The following CENPI variants were observed in gnomAD, a reference collection of about 807,000 sequenced individuals.
CENPI encodes FSH primary response 1.
Under a neutral mutation model 60.4 loss-of-function variants are expected in CENPI, and 4 were observed. The observed-to-expected ratio is 0.07, with a 90% CI of 0.03 to 0.15. CENPI has a LOEUF of 0.15. Ranked by LOEUF, CENPI falls within the 10% of genes least tolerant of loss-of-function variation. The pLI, the probability that CENPI is intolerant of heterozygous loss-of-function variation, is 1.00. For synonymous variants in CENPI, 157 were observed against 189.4 expected, an observed-to-expected ratio of 0.83 and a Z score of 1.40; for missense variants, 444 against 534.5, an observed-to-expected ratio of 0.83 and a Z score of 1.67.
intron 6 of CENPI, among the ~76,000 whole-genome samples, chrX:101,113,870 G>A (rs1245002182): frequency 8.9e-6 from 1 of 112,077 alleles, no homozygotes; most frequent in East Asian, 2.8e-4. Context: ...TCGGGATATT[G>A]ACAATATTAT....
chrX:101,148,541 A>G (rs894202128), intron 20 of CENPI, among the ~76,000 whole-genome samples: 1 of 112,192 alleles, frequency 8.9e-6, no homozygotes, highest in African/African-American at 3.2e-5. Context: ...CCTTCTAGAC[A>G]AGATAGAATA....
At chrX:101,134,100 C>T (rs2089823809) in intron 15 of CENPI, among the ~76,000 whole-genome samples, 3 of 110,775 alleles carry the variant, frequency 2.7e-5, no homozygotes, top group Admixed American at 1.9e-4. Context: ...TAGATGGAGT[C>T]GAAGGAGCCA....
At chrX:101,180,343 C>A in the CENPI span, among the ~76,000 whole-genome samples, 2 of 110,821 alleles carry the variant, frequency 1.8e-5, no homozygotes, top group African/African-American at 6.6e-5. Context: ...CACTATGTTG[C>A]CTAGGCTGTT....
chrX:101,100,767 A>G, intron 2 of CENPI: 1 of 267,449 alleles, frequency 3.7e-6, no homozygotes, highest in Non-Finnish European at 6.6e-6. Context: ...TAGCCATTCT[A>G]AGAGAGAACT....
At chrX:101,103,621 G>A (rs777590563) in intron 4 of CENPI, among the ~76,000 whole-genome samples, 2 of 112,234 alleles carry the variant, frequency 1.8e-5, no homozygotes, top group African/African-American at 3.2e-5. Context: ...GATTACAGGC[G>A]TGACCCACTG....
chrX:101,117,450 C>G (rs1414706637), intron 6 of CENPI, among the ~76,000 whole-genome samples: 1 of 111,957 alleles, frequency 8.9e-6, no homozygotes, highest in African/African-American at 3.2e-5. Context: ...TCTGCCTGCT[C>G]TCCCAAAGTG....
intron 2 of CENPI, chrX:101,100,606 G>A (rs41310705): frequency 0.23 from 25,755 of 112,049 alleles, 2,222 homozygotes; most frequent in East Asian, 0.29. Flanking sequence ...TAGCAGAGAC[G>A]GGGTTTCCTC....
chrX:101,169,752 C>T (rs1043461484), downstream of CENPI, among the ~76,000 whole-genome samples: 1 of 111,325 alleles, frequency 9.0e-6, no homozygotes, highest in Non-Finnish European at 1.9e-5. Flanking sequence ...GAAGACCTTC[C>T]AGTAGAAAGA....
At chrX:101,177,054 C>T in the CENPI span, among the ~76,000 whole-genome samples, 41 of 111,205 alleles carry the variant, frequency 3.7e-4, no homozygotes, top group Non-Finnish European at 6.8e-4. Context: ...TGAGTCTCAG[C>T]GTGGTGTATG....
the CENPI span, among the ~76,000 whole-genome samples, chrX:101,178,398 C>CTTCCTTTTTTTTTTTTTTT: frequency 2.5e-5 from 1 of 39,983 alleles, no homozygotes; most frequent in Non-Finnish European, 4.8e-5. Context: ...TTTTCTTCTT[C>CTTCCTTTTTTTTTTTTTTT]TTTTTTTTTT....
At chrX:101,100,934 A>G (rs1322678247) in intron 2 of CENPI, 124 bp from the exon 3 acceptor site, 1 of 440,700 alleles carries the variant, frequency 2.3e-6, no homozygotes, top group Non-Finnish European at 3.9e-6. Flanking sequence ...TTGTCAACTT[A>G]TTTATTGTAT....
chrX:101,157,809 A>G (rs1236625994), intron 20 of CENPI, among the ~76,000 whole-genome samples: 1 of 110,732 alleles, frequency 9.0e-6, no homozygotes, highest in Admixed American at 9.7e-5. Context: ...TCATGTTAAG[A>G]ACATCCCCAA....
chrX:101,168,561 AAAAACAAAAC>A (rs770159793), downstream of CENPI, among the ~76,000 whole-genome samples: 12 of 111,726 alleles, frequency 1.1e-4, no homozygotes, highest in East Asian at 2.8e-4. Context: ...CAAGACTCTG[AAAAACAAAAC>A]AAAACAAAAC....
chrX:101,108,491 C>T (rs1194692724), intron 4 of CENPI, among the ~76,000 whole-genome samples: 3 of 110,279 alleles, frequency 2.7e-5, no homozygotes, highest in South Asian at 3.8e-4. Context: ...TCACCACGCT[C>T]GGCCCCAAAT....
At chrX:101,178,398 C>CTTTTTTTTTTTTTTTTTTTTTT in the CENPI span, among the ~76,000 whole-genome samples, 35 of 39,980 alleles carry the variant, frequency 8.8e-4, 2 homozygotes, top group African/African-American at 1.0e-3. Context: ...TTTTCTTCTT[C>CTTTTTTTTTTTTTTTTTTTTTT]TTTTTTTTTT....
At chrX:101,112,759 A>G (rs918913831) in intron 6 of CENPI, among the ~76,000 whole-genome samples, 1 of 109,488 alleles carries the variant, frequency 9.1e-6, no homozygotes, top group Non-Finnish European at 1.9e-5. Context: ...CAGGTGATCC[A>G]CCCGCCTCGG....
chrX:101,104,411 T>C (rs912334082), intron 4 of CENPI, among the ~76,000 whole-genome samples: 1 of 112,599 alleles, frequency 8.9e-6, no homozygotes, highest in African/African-American at 3.2e-5. Context: ...TTTTCTCATT[T>C]AAATTCAGAC....
chrX:101,175,727 C>T, the CENPI span, among the ~76,000 whole-genome samples: 15 of 111,776 alleles, frequency 1.3e-4, no homozygotes, highest in Admixed American at 1.4e-3. Context: ...CATGTATAGA[C>T]TGTATAATGA....
chrX:101,106,914 A>C (rs1031388163), intron 4 of CENPI, among the ~76,000 whole-genome samples: 2 of 108,990 alleles, frequency 1.8e-5, no homozygotes, highest in Non-Finnish European at 3.8e-5. Context: ...TAAAAAACTT[A>C]ACCAGGTATG....
Sources: gnomAD v4.1 joint callset for allele counts (sites outside exome capture counted in the v4.1 genomes callset) on GRCh38, gnomAD v4.1.1 for gene constraint, MANE v1.5 for transcripts, NCBI Gene and HGNC (gene_info 2026-07-23, HGNC 2026-07-21) for gene names.